The following RAVER1 variants were observed in gnomAD, a reference collection of about 807,000 sequenced individuals.
RAVER1 encodes the protein ribonucleoprotein, PTB binding 1.
RAVER1 carries 36 observed loss-of-function variants against 68.4 expected under a neutral mutation model. The observed-to-expected ratio is 0.53, with a 90% CI of 0.40 to 0.70. The LOEUF (loss-of-function observed/expected upper bound fraction) is 0.70. Ranked by LOEUF, RAVER1 falls within the 30% of genes least tolerant of loss-of-function variation. RAVER1 has a pLI of 0.00. For missense variants in RAVER1, 933 were observed against 1,019.8 expected, an observed-to-expected ratio of 0.91 and a Z score of 1.16; for synonymous variants, 469 against 472.7, an observed-to-expected ratio of 0.99 and a Z score of 0.10.
chr19:10,321,014 C>A, intron 8 of RAVER1, 34 bp downstream of exon 8: 1 of 1,469,480 alleles, frequency 6.8e-7, no homozygotes, highest in Non-Finnish European at 9.0e-7. Flanking sequence ...GAACAGGAGG[C>A]TGGTGTGGTG....
rs1272508484 is a variant in RAVER1 at position 10,328,041 on chromosome 19, G to A, written c.756+601C>T. Among the ~76,000 whole-genome samples the A allele has an allele frequency of 3.3e-5, 5 of 152,192 alleles. No individual in the cohort carries two copies. Among genetic ancestry groups the A allele is most frequent in the Non-Finnish European group, 7.3e-5 (5 of 68,034 alleles). On this transcript the variant is annotated intron_variant, in intron 3 of 12. Coordinates refer to ENST00000617231, the MANE Select transcript of RAVER1 (RefSeq NM_133452.3). This position sits in a 1 kb window ranked among gnomAD's most constrained non-coding sequence, Gnocchi z 4.4. ...GTGACTGGCCCGAGCTCGAGGGCGG[G>A]GCTGGGATCTGGCAAAGCCTCAGTC... is the stretch of plus-strand genomic sequence containing the variant.
At chr19:10,327,352 C>G (rs1052069852) in intron 3 of RAVER1, among the ~76,000 whole-genome samples, 1 of 152,076 alleles carries the variant, frequency 6.6e-6, no homozygotes, top group African/African-American at 2.4e-5. Flanking sequence ...CAGCCTCGGA[C>G]TCCCAGAATC....
At chr19:10,320,624 A>ATG in intron 9 of RAVER1, 31 bp downstream of exon 9, 2 of 1,527,822 alleles carry the variant, frequency 1.3e-6, no homozygotes, top group Non-Finnish European at 1.8e-6. Flanking sequence ...ATTTGGCCTT[A>ATG]GGGGACAGAG....
Position 10,323,570 on chromosome 19 carries a change from C to T in RAVER1, c.757-4G>A. The T allele has an allele frequency of 1.9e-6, 3 of 1,575,630 alleles. No homozygotes were observed. The highest frequency in any genetic ancestry group is 2.6e-6 in the Non-Finnish European group (3 of 1,162,268). On this transcript the variant is annotated splice_polypyrimidine_tract_variant and splice_region_variant and intron_variant, in intron 3 of 12. Coordinates refer to ENST00000617231, the MANE Select transcript of RAVER1 (RefSeq NM_133452.3). The surrounding 1 kb of genome is among the most constrained non-coding windows in gnomAD (Gnocchi z 6.2). ...GCCCATCCTGGCCGCACGCCAGCTG[C>T]CGGAGGAAGGCAGGCAGTCATGAGC...
At chr19:10,332,179 T>C (rs118113319) in intron 1 of RAVER1, among the ~76,000 whole-genome samples, 1 of 152,192 alleles carries the variant, frequency 6.6e-6, no homozygotes, top group East Asian at 1.9e-4. Flanking sequence ...AAATTTTTTG[T>C]AGAGATGAGG....
chr19:10,325,219 T>A (rs1375884266), intron 3 of RAVER1, among the ~76,000 whole-genome samples: 2 of 151,842 alleles, frequency 1.3e-5, no homozygotes, highest in African/African-American at 2.4e-5. Flanking sequence ...AGACAGGGTT[T>A]TTGTTTTTTG....
chr19:10,321,623 G>A lies in RAVER1; in HGVS notation c.1174-5C>T. 7.1e-7 allele frequency: 1 copy of A among 1,415,458 alleles called. No individual in the cohort carries two copies. 87.7% of individuals were successfully genotyped at this position (1,415,458 alleles called of 1,614,324 possible). A position where few individuals can be genotyped will look rare whatever the true frequency, so the allele number is the denominator to read the frequency against. The stretch of plus-strand genomic sequence containing the variant: ...GTCTCCCAGGATGCCGGGCTTCTAG[G>A]GACAGAGCACAGACAGTTGCAGATG... On this transcript the variant is annotated splice_region_variant and splice_polypyrimidine_tract_variant and intron_variant, in intron 6 of 12. Coordinates refer to ENST00000617231, the MANE Select transcript of RAVER1 (RefSeq NM_133452.3).
At chr19:10,330,833 G>A (rs1489008018) in intron 1 of RAVER1, among the ~76,000 whole-genome samples, 1 of 152,162 alleles carries the variant, frequency 6.6e-6, no homozygotes, top group Non-Finnish European at 1.5e-5. Flanking sequence ...GGAGGCCGAG[G>A]CGGGTGAATC....
intron 3 of RAVER1, among the ~76,000 whole-genome samples, chr19:10,327,766 G>A (rs1016503517): frequency 3.9e-5 from 6 of 152,174 alleles, no homozygotes; most frequent in Non-Finnish European, 5.9e-5. Context: ...TGAAGGTTAC[G>A]TACTCAGAGT....
In RAVER1 at chr19:10,316,973, AGG is replaced by A; in HGVS notation, c.*479_*480del. 1 of 185,520 alleles carries A rather than the reference AGG, an allele frequency of 5.4e-6. No homozygotes were observed. The allele number at this position is 185,520 out of a possible 1,614,324, so 11.5% of individuals were successfully genotyped here. On this transcript the variant is annotated 3_prime_UTR_variant, in exon 13 of 13. Transcript: ENST00000617231. ...GTGGCCCGGACAGGCCGGGCCTTGA[AGG>A]AATCAGAGCTGGGGGCTGTCCGGGG...
At position 10,320,720 on chromosome 19, in the gene RAVER1, G is replaced by A. The variant is rs746660785; in HGVS notation, c.1705C>T (p.Leu569Phe). The A allele has an allele frequency of 7.8e-6, 12 of 1,546,110 alleles. No individual in the cohort carries two copies. Among genetic ancestry groups the A allele is most frequent in the African/African-American group, 1.4e-5 (1 of 71,042 alleles). Reference sequence around the variant, plus strand: ...TCGGGGGGCAGGCGGGCGCTGCTGAGGGGGCTGAGCAGGCGGGACTTGAGC... The same window carrying A: ...TCGGGGGGCAGGCGGGCGCTGCTGAAGGGGCTGAGCAGGCGGGACTTGAGC... ...FQLKSRLLSP[L>F]SSARLPPEPG... The change falls in exon 9 of 13, where the codon CTC (leucine) becomes TTC (phenylalanine). Residue 569 changes from leucine to phenylalanine, a missense_variant. By Grantham distance (22) the Leu-to-Phe change is conservative. Coordinates refer to ENST00000617231, the MANE Select transcript of RAVER1 (RefSeq NM_133452.3).
At position 10,328,585 on chromosome 19, in the gene RAVER1, C is replaced by T. The variant is rs1206524061; in HGVS notation, c.756+57G>A. 2.1e-5 allele frequency: 24 copies of T among 1,170,464 alleles called. No individual in the cohort carries two copies. The highest frequency in any genetic ancestry group is 2.9e-5 in the Non-Finnish European group (24 of 828,814). 72.5% of individuals were successfully genotyped at this position (1,170,464 alleles called of 1,614,324 possible). On this transcript the variant is annotated intron_variant, in intron 3 of 12. Transcript: ENST00000617231. The surrounding 1 kb of genome is among the most constrained non-coding windows in gnomAD (Gnocchi z 4.4). ...AAGAAAAGGCAGATGACTCCAAAGA[C>T]TCTCTCAGGTGCTCCGGGCCTGGCA...
chr19:10,321,287 C>T, intron 7 of RAVER1, 28 bp from the exon 8 acceptor site: 12 of 1,153,644 alleles, frequency 1.0e-5, no homozygotes, highest in Non-Finnish European at 1.2e-5. Flanking sequence ...ATTTCAGGGG[C>T]CCAGGCTCAC....
intron 9 of RAVER1, among the ~76,000 whole-genome samples, chr19:10,320,203 G>A (rs899115782): frequency 5.3e-5 from 8 of 152,020 alleles, no homozygotes; most frequent in Non-Finnish European, 7.4e-5. Context: ...CAGACAGACG[G>A]GAAACTTTAA....
rs560042838 is a variant in RAVER1, at chr19:10,319,516, T to G, written c.1771-276A>C. Among the ~76,000 whole-genome samples the G allele has an allele frequency of 3.3e-5, 5 of 152,300 alleles. No individual in the cohort carries two copies. In the East Asian group the frequency reaches 5.8e-4, roughly 18 times the overall value. On this transcript the variant is annotated intron_variant, in intron 9 of 12. Coordinates refer to ENST00000617231, the MANE Select transcript of RAVER1 (RefSeq NM_133452.3). Reference sequence around the variant, plus strand: ...CTGTGTTGGCGTTAGTTCCTGTTGTTATTTGTTTGAAACACAGAGGGGGCC... The same window carrying G: ...CTGTGTTGGCGTTAGTTCCTGTTGTGATTTGTTTGAAACACAGAGGGGGCC...
rs1023930521 is a variant in RAVER1 at position 10,323,098 on chromosome 19, G to A, written c.1078+47C>T. The A allele has an allele frequency of 1.6e-5, 24 of 1,467,068 alleles. No individual in the cohort carries two copies. The highest frequency in any genetic ancestry group is 2.6e-5 in the Admixed American group (1 of 38,618). 90.9% of individuals were successfully genotyped at this position (1,467,068 alleles called of 1,614,324 possible). On this transcript the variant is annotated intron_variant, in intron 5 of 12. Coordinates refer to ENST00000617231, the MANE Select transcript of RAVER1 (RefSeq NM_133452.3). The surrounding 1 kb of genome is among the most constrained non-coding windows in gnomAD (Gnocchi z 6.2). Reference sequence around the variant, plus strand: ...TTCGGGAAGTGCCGGGGGCAGCGCTGCAGCCCCTGTTCTGCACAGTGGGGC... The same window carrying A: ...TTCGGGAAGTGCCGGGGGCAGCGCTACAGCCCCTGTTCTGCACAGTGGGGC...
At position 10,321,590 on chromosome 19, in the gene RAVER1, A is replaced by G; in HGVS notation, c.1202T>C (p.Leu401Pro). 7.1e-7 allele frequency: 1 copy of G among 1,402,646 alleles called. No individual in the cohort carries two copies. Among genetic ancestry groups the G allele is most frequent in the South Asian group, 1.9e-5 (1 of 53,326 alleles). The allele number at this position is 1,402,646 out of a possible 1,614,324, so 86.9% of individuals were successfully genotyped here. A position where few individuals can be genotyped will look rare whatever the true frequency, so the allele number is the denominator to read the frequency against. The change falls in exon 7 of 13, where the codon CTG (leucine) becomes CCG (proline). Residue 401 changes from leucine to proline, a missense_variant. Leu to Pro is a moderately conservative substitution (Grantham distance 98, BLOSUM62 -3). Coordinates refer to ENST00000617231, the MANE Select transcript of RAVER1 (RefSeq NM_133452.3). ...KKPGILGDSPLGALQPGAQPA... is the reference protein window; with the variant it reads ...KKPGILGDSPPGALQPGAQPA... ...CTGGGCCCCAGGCTGGAGGGCGCCC[A>G]GGGGTGAGTCTCCCAGGATGCCGGG...
At chr19:10,321,350 G>A (rs1476924848) in intron 7 of RAVER1, 91 bp from the exon 8 acceptor site, 3 of 811,566 alleles carry the variant, frequency 3.7e-6, no homozygotes, top group African/African-American at 3.6e-5. Flanking sequence ...GGGCCCAGGG[G>A]TCAAGAGACA....
chr19:10,323,457 C>T lies in RAVER1; in HGVS notation c.866G>A (p.Gly289Asp). 16 of 1,609,396 alleles carry T rather than the reference C, an allele frequency of 9.9e-6. No individual in the cohort carries two copies. The highest frequency in any genetic ancestry group is 1.3e-5 in the Non-Finnish European group (15 of 1,179,350). Reference sequence around the variant, plus strand: ...GCAGAAGGAGACTCGCAGGTGGCTGCCCCCCAGGGACAGGCCGTCCGCCTG... The same window carrying T: ...GCAGAAGGAGACTCGCAGGTGGCTGTCCCCCAGGGACAGGCCGTCCGCCTG... ...QQQADGLSLG[G>D]SHLRVSFCAP... Residue 289 changes from glycine to aspartate, a missense_variant, in exon 4 of 13, where the codon GGC becomes GAC. Gly to Asp is a moderately conservative substitution (Grantham distance 94). Coordinates refer to ENST00000617231, the MANE Select transcript of RAVER1 (RefSeq NM_133452.3). This position sits in a 1 kb window ranked among gnomAD's most constrained non-coding sequence, Gnocchi z 6.2.
Sources: allele counts gnomAD v4.1 joint callset (sites outside exome capture counted in the v4.1 genomes callset), GRCh38; gene constraint gnomAD v4.1.1; non-coding constraint Gnocchi (gnomAD v3.1); transcripts MANE v1.5; gene names NCBI Gene and HGNC (gene_info 2026-07-23, HGNC 2026-07-21).